The following BTBD9 variants were observed in gnomAD, a reference collection of about 807,000 sequenced individuals.
The protein encoded by BTBD9 is BTB domain containing 9.
In BTBD9, 49 loss-of-function variants were observed where a neutral mutation model predicts 64.3. That is an observed-to-expected ratio of 0.76 (90% CI 0.61 to 0.97). BTBD9 has a LOEUF of 0.97. Ranked by LOEUF, BTBD9 falls within the 50% of genes least tolerant of loss-of-function variation. The pLI, the probability that BTBD9 is intolerant of heterozygous loss-of-function variation, is 0.00. For missense variants in BTBD9, 598 were observed against 762.1 expected, an observed-to-expected ratio of 0.78 and a Z score of 2.53; for synonymous variants, 260 against 274.7, an observed-to-expected ratio of 0.95 and a Z score of 0.53.
intron 9 of BTBD9, among the ~76,000 whole-genome samples, chr6:38,239,384 G>A (rs1763910223): frequency 6.9e-6 from 1 of 145,690 alleles, no homozygotes; most frequent in Admixed American, 7.1e-5. Context: ...AGGTTGCAGT[G>A]AGCCAAGATC....
At chr6:38,420,671 C>G (rs1486844284) in intron 6 of BTBD9, among the ~76,000 whole-genome samples, 1 of 152,026 alleles carries the variant, frequency 6.6e-6, no homozygotes, top group Non-Finnish European at 1.5e-5. Context: ...TCCTGGCCAA[C>G]ATGGTGAAAC....
chr6:38,440,198 A>G (rs1768964295), intron 6 of BTBD9, among the ~76,000 whole-genome samples: 1 of 152,212 alleles, frequency 6.6e-6, no homozygotes, highest in Non-Finnish European at 1.5e-5. Context: ...AAATTTGAGC[A>G]TGCTTATGTA....
chr6:38,549,773 A>C (rs575919664), intron 6 of BTBD9, among the ~76,000 whole-genome samples: 92 of 152,130 alleles, frequency 6.0e-4, no homozygotes, highest in African/African-American at 2.1e-3. Context: ...CCCTCTCTCC[A>C]TTTTGAACCT....
chr6:38,218,018 G>T (rs1054370286), intron 9 of BTBD9, among the ~76,000 whole-genome samples: 1 of 152,142 alleles, frequency 6.6e-6, no homozygotes. Flanking sequence ...CTACTCCTTA[G>T]GAAGGAGGAA....
chr6:38,342,377 A>T (rs1195219085), intron 7 of BTBD9, among the ~76,000 whole-genome samples: 1 of 151,902 alleles, frequency 6.6e-6, no homozygotes. Context: ...CTCAACTAAA[A>T]ATACAAAAAT....
intron 7 of BTBD9, among the ~76,000 whole-genome samples, chr6:38,299,287 T>C (rs1364368054): frequency 6.6e-6 from 1 of 152,200 alleles, no homozygotes; most frequent in Non-Finnish European, 1.5e-5. Flanking sequence ...TCCAAGTCTT[T>C]GCTATGGTGA....
intron 6 of BTBD9, among the ~76,000 whole-genome samples, chr6:38,413,724 T>C (rs536525829): frequency 9.8e-4 from 149 of 152,306 alleles, no homozygotes; most frequent in Non-Finnish European, 1.7e-3. Flanking sequence ...GTGTATCCCA[T>C]CCTATGCTGG....
intron 4 of BTBD9, chr6:38,587,416 A>AT: frequency 1.9e-6 from 1 of 523,056 alleles, no homozygotes; most frequent in Middle Eastern, 3.3e-4. Flanking sequence ...TGAAGATATT[A>AT]ATATTACTTA....
At chr6:38,295,781 C>A (rs1762135747) in intron 7 of BTBD9, among the ~76,000 whole-genome samples, 1 of 152,146 alleles carries the variant, frequency 6.6e-6, no homozygotes, top group East Asian at 1.9e-4. Context: ...TATGGTGGCT[C>A]ATGCCTGTAA....
chr6:38,616,030 A>T (rs959282581), intron 1 of BTBD9, among the ~76,000 whole-genome samples: 1 of 152,168 alleles, frequency 6.6e-6, no homozygotes, highest in Non-Finnish European at 1.5e-5. Context: ...GTAACTTTAT[A>T]TAAGAGTCTT....
intron 2 of BTBD9, among the ~76,000 whole-genome samples, chr6:38,597,608 A>C (rs1777090897): frequency 6.6e-6 from 1 of 152,156 alleles, no homozygotes; most frequent in East Asian, 1.9e-4. Flanking sequence ...ATCTACTGGG[A>C]GGAGACAGTG....
intron 6 of BTBD9, among the ~76,000 whole-genome samples, chr6:38,524,366 T>C (rs1773395146): frequency 6.6e-6 from 1 of 152,136 alleles, no homozygotes; most frequent in Admixed American, 6.5e-5. Flanking sequence ...ATTTTTCTTC[T>C]CCTTAGAATT....
At chr6:38,373,635 G>A (rs999972911) in intron 6 of BTBD9, among the ~76,000 whole-genome samples, 8 of 152,138 alleles carry the variant, frequency 5.3e-5, no homozygotes, top group African/African-American at 1.4e-4. Context: ...AGGCTCAAGC[G>A]ATCCTCCCAG....
chr6:38,394,138 A>G (rs1280500085), intron 6 of BTBD9, among the ~76,000 whole-genome samples: 1 of 152,208 alleles, frequency 6.6e-6, no homozygotes, highest in Non-Finnish European at 1.5e-5. Context: ...GGATATAACA[A>G]TAAACCAGAA....
At chr6:38,548,079 T>C (rs1774631025) in intron 6 of BTBD9, among the ~76,000 whole-genome samples, 1 of 152,266 alleles carries the variant, frequency 6.6e-6, no homozygotes, top group Non-Finnish European at 1.5e-5. Flanking sequence ...AACACTATTA[T>C]ACCCTTATTT....
chr6:38,520,571 A>G (rs1430254352), intron 6 of BTBD9, among the ~76,000 whole-genome samples: 1 of 152,206 alleles, frequency 6.6e-6, no homozygotes, highest in African/African-American at 2.4e-5. Flanking sequence ...GTTTTCTTCA[A>G]TAACCATATA....
chr6:38,489,521 C>T (rs1176060000), intron 6 of BTBD9, among the ~76,000 whole-genome samples: 2 of 152,036 alleles, frequency 1.3e-5, no homozygotes, highest in Non-Finnish European at 2.9e-5. Flanking sequence ...CACTTAATGT[C>T]AGCATTTTTG....
At chr6:38,550,402 T>A (rs1439751932) in intron 6 of BTBD9, among the ~76,000 whole-genome samples, 1 of 150,898 alleles carries the variant, frequency 6.6e-6, no homozygotes, top group Non-Finnish European at 1.5e-5. Flanking sequence ...CTGCAACCTA[T>A]GCCTCCCGGG....
intron 6 of BTBD9, among the ~76,000 whole-genome samples, chr6:38,348,862 T>C (rs2127591727): frequency 6.6e-6 from 1 of 152,304 alleles, no homozygotes; most frequent in East Asian, 1.9e-4. Context: ...ATCAGGTTTG[T>C]TGCCCAGCTC....
Sources: allele counts gnomAD v4.1 joint callset (sites outside exome capture counted in the v4.1 genomes callset), GRCh38; gene constraint gnomAD v4.1.1; transcripts MANE v1.5; gene names NCBI Gene and HGNC (gene_info 2026-07-23, HGNC 2026-07-21).